Variants in NID1 observed in about 807,000 individuals in gnomAD.
NID1 encodes nidogen-1.
NID1 carries 76 observed loss-of-function variants against 130.6 expected under a neutral mutation model. The observed-to-expected ratio is 0.58, with a 90% confidence interval of 0.48 to 0.70. NID1 has a LOEUF of 0.70. Ranked by LOEUF, NID1 falls within the 30% of genes least tolerant of loss-of-function variation. The pLI, the probability that NID1 is intolerant of heterozygous loss-of-function variation, is 0.00. For synonymous variants in NID1, 665 were observed against 675.1 expected, an observed-to-expected ratio of 0.98 and a Z score of 0.23; for missense variants, 1,517 against 1,664.8, an observed-to-expected ratio of 0.91 and a Z score of 1.54.
chr1:236,050,895 T>G (rs934161580), intron 1 of NID1, among the ~76,000 whole-genome samples: 1 of 152,060 alleles, frequency 6.6e-6, no homozygotes, highest in Non-Finnish European at 1.5e-5. Flanking sequence ...CTGGCCCATA[T>G]GGCAAAACCC....
chr1:236,060,970 C>G (rs1660022334), intron 1 of NID1, among the ~76,000 whole-genome samples: 1 of 152,166 alleles, frequency 6.6e-6, no homozygotes, highest in African/African-American at 2.4e-5. Context: ...CTGTATTACA[C>G]AAATTCCTTA....
chr1:235,985,134 A>G (rs1657539172), intron 15 of NID1, among the ~76,000 whole-genome samples: 1 of 151,836 alleles, frequency 6.6e-6, no homozygotes, highest in Admixed American at 6.6e-5. Context: ...CAGAGCTTGC[A>G]GTGAGCCAAG....
intron 4 of NID1, among the ~76,000 whole-genome samples, chr1:236,040,368 C>A (rs1659415002): frequency 1.3e-5 from 2 of 152,140 alleles, no homozygotes; most frequent in South Asian, 4.1e-4. Context: ...AGTCAGCACG[C>A]CAGCCAGTAA....
At chr1:236,035,319 G>A (rs1659223993) in intron 5 of NID1, among the ~76,000 whole-genome samples, 1 of 96,252 alleles carries the variant, frequency 1.0e-5, no homozygotes, top group Non-Finnish European at 2.0e-5. Flanking sequence ...CAAAGGACAT[G>A]AACTCATCAT....
Position 236,032,727 on chromosome 1 carries a change from C to T in NID1, c.1286-75G>A. 4 of 1,549,462 alleles carry T rather than the reference C, an allele frequency of 2.6e-6. No individual in the cohort carries two copies. In the South Asian group the frequency reaches 3.7e-5, roughly 15 times the overall value. ...TTTCAAACACGAGTAATATGTAGGA[C>T]CTGTACCTATTGGTGAAGAAAGCAA... On this transcript the variant is annotated intron_variant, in intron 5 of 19. Transcript: ENST00000264187.
At chr1:236,030,231 C>T (rs1486178906) in intron 6 of NID1, among the ~76,000 whole-genome samples, 5 of 152,154 alleles carry the variant, frequency 3.3e-5, no homozygotes, top group Non-Finnish European at 7.3e-5. Context: ...GCAAACCATT[C>T]CCAGTACCAG....
intron 9 of NID1, among the ~76,000 whole-genome samples, chr1:236,019,953 C>T (rs1658706036): frequency 6.8e-6 from 1 of 147,158 alleles, no homozygotes; most frequent in Admixed American, 6.9e-5. Context: ...AGGAGAATTG[C>T]TTGAACCCAG....
intron 7 of NID1, among the ~76,000 whole-genome samples, chr1:236,029,080 G>A (rs1257877716): frequency 6.6e-6 from 1 of 152,052 alleles, no homozygotes; most frequent in East Asian, 1.9e-4. Flanking sequence ...GGGAAGCTGA[G>A]GCAGGAGGGT....
At chr1:236,007,920 T>C (rs577485225) in intron 12 of NID1, among the ~76,000 whole-genome samples, 55 of 96,696 alleles carry the variant, frequency 5.7e-4, no homozygotes, top group Non-Finnish European at 9.7e-4. Context: ...AGAACTAATA[T>C]GGTGGCTTTC....
chr1:235,989,397 T>C (rs2102797860), intron 14 of NID1, among the ~76,000 whole-genome samples: 1 of 152,320 alleles, frequency 6.6e-6, no homozygotes, highest in East Asian at 1.9e-4. Context: ...GAGATGGAAA[T>C]GACACAGATG....
At chr1:236,055,133 T>C (rs1265103801) in intron 1 of NID1, among the ~76,000 whole-genome samples, 2 of 151,868 alleles carry the variant, frequency 1.3e-5, no homozygotes, top group African/African-American at 2.4e-5. Flanking sequence ...TGAAACCCCG[T>C]CTCTACTAAA....
At chr1:236,030,495 T>C (rs2102830262) in intron 6 of NID1, among the ~76,000 whole-genome samples, 1 of 152,358 alleles carries the variant, frequency 6.6e-6, no homozygotes, top group African/African-American at 2.4e-5. Flanking sequence ...CAGTATTTCA[T>C]GGTATGTGAA....
rs1162647397 is a variant in NID1, at chr1:236,048,783, C to T, written c.432G>A (p.Glu144=). The change falls in exon 2 of 20, where the codon GAG becomes GAA. Residue 144 remains glutamate (E), a synonymous_variant. Transcript: ENST00000264187. ...CCGCGCTACTAGGCTGGAAAGAGAT[C>T]TCCGGGAACCCTCTGTGGACACACT... is the stretch of plus-strand genomic sequence containing the variant. ...AAECVHRGFP[E]ISFQPSSAVV... The T allele has an allele frequency of 6.2e-7, 1 of 1,613,872 alleles. No homozygotes were observed. Among genetic ancestry groups the T allele is most frequent in the Non-Finnish European group, 8.5e-7 (1 of 1,180,042 alleles).
intron 1 of NID1, among the ~76,000 whole-genome samples, chr1:236,063,153 C>CA (rs57769010): frequency 0.21 from 16,581 of 78,946 alleles, 2,097 homozygotes; most frequent in African/African-American, 0.36. Flanking sequence ...GACTTCATCT[C>CA]AAAAAAAAAA....
At chr1:236,025,760 C>A (rs1658910786) in intron 8 of NID1, 136 bp downstream of exon 8, 2 of 1,249,354 alleles carry the variant, frequency 1.6e-6, no homozygotes, top group Non-Finnish European at 2.2e-6. Flanking sequence ...ACAAGACATT[C>A]TTTTTTTCCT....
rs35290130 is a variant in NID1 at position 235,985,192 on chromosome 1, CA to C, written c.3055+186del. Reference sequence around the variant, plus strand: ...TGGGTGACAGAGTGAGACTCTGTCTCAAAAAAAAAAAGAAAAAAAAAAGTAG... The same window carrying C: ...TGGGTGACAGAGTGAGACTCTGTCTCAAAAAAAAAAGAAAAAAAAAAGTAG... On this transcript the variant is annotated intron_variant, in intron 15 of 19. Coordinates refer to ENST00000264187, the MANE Select transcript of NID1 (RefSeq NM_002508.3). 0.3 allele frequency among the ~76,000 whole-genome samples: 36,046 copies of C among 122,122 alleles called. 5,155 individuals carry two copies. The highest frequency in any genetic ancestry group is 0.64 in the East Asian group (3,002 of 4,710). 80.1% of individuals were successfully genotyped at this position (122,122 alleles called of 152,430 possible). A position where few individuals can be genotyped will look rare whatever the true frequency, so the allele number is the denominator to read the frequency against.
chr1:235,991,747 G>A (rs1657748248), intron 13 of NID1, among the ~76,000 whole-genome samples: 1 of 152,156 alleles, frequency 6.6e-6, no homozygotes, highest in Admixed American at 6.5e-5. Context: ...GCACAACAGC[G>A]AAAACAGCAT....
intron 12 of NID1, among the ~76,000 whole-genome samples, chr1:236,006,876 G>GA (rs111989000): frequency 1.7e-3 from 259 of 151,884 alleles, no homozygotes; most frequent in African/African-American, 6.1e-3. Flanking sequence ...ATAAAGATAG[G>GA]AAAAAAAATG....
intron 12 of NID1, among the ~76,000 whole-genome samples, chr1:236,002,515 C>CAAACAAAA (rs1011963846): frequency 1.3e-5 from 2 of 150,234 alleles, no homozygotes; most frequent in African/African-American, 4.9e-5. Context: ...AACAAACAAA[C>CAAACAAAA]AAACAAACAA....
Sources: gnomAD v4.1 joint callset for allele counts (sites outside exome capture counted in the v4.1 genomes callset) on GRCh38, gnomAD v4.1.1 for gene constraint, MANE v1.5 for transcripts, NCBI Gene and HGNC (gene_info 2026-07-23, HGNC 2026-07-21) for gene names.